NRXN1: variants seen among roughly 807,000 people sequenced by gnomAD.
NRXN1 encodes neurexin 1.
In NRXN1, 39 loss-of-function variants were observed where a neutral mutation model predicts 150.9. The observed-to-expected ratio is 0.26, with a 90% CI of 0.20 to 0.34. NRXN1 has a LOEUF of 0.34. NRXN1 is among the 10% of genes least tolerant of loss of function. The pLI, the probability that NRXN1 is intolerant of heterozygous loss-of-function variation, is 1.00. For missense variants in NRXN1, 1,815 were observed against 1,949.9 expected (o/e 0.93, Z 1.30); for synonymous variants, 924 against 757.0 (o/e 1.22, Z -3.62).
At chr2:51,017,480 A>G (rs1179013148) in intron 2 of NRXN1, among the ~76,000 whole-genome samples, 2 of 127,432 alleles carry the variant, frequency 1.6e-5, no homozygotes, top group South Asian at 5.2e-4. Context: ...GGACTACAAT[A>G]CACGTATGGC....
intron 17 of NRXN1, among the ~76,000 whole-genome samples, chr2:50,415,934 T>C (rs1277433472): frequency 7.0e-6 from 1 of 143,870 alleles, no homozygotes; most frequent in East Asian, 2.0e-4. Flanking sequence ...GGCCAACTGT[T>C]AGTAGTTATT....
chr2:50,598,214 C>G (rs1027320417), intron 8 of NRXN1, among the ~76,000 whole-genome samples: 3 of 151,794 alleles, frequency 2.0e-5, no homozygotes, highest in Non-Finnish European at 4.4e-5. Context: ...TGAATGAGTC[C>G]AAATCAAAAC....
intron 18 of NRXN1, among the ~76,000 whole-genome samples, chr2:50,136,400 G>C (rs945186512): frequency 6.6e-6 from 1 of 152,062 alleles, no homozygotes; most frequent in Non-Finnish European, 1.5e-5. Flanking sequence ...TTTTCTAGGA[G>C]GCCTGGCTTA....
rs553427731 is a variant in NRXN1, at chr2:49,992,870, G to A, written c.4129-49079C>T. Among the ~76,000 whole-genome samples, 40 of 152,194 alleles carry A rather than the reference G, an allele frequency of 2.6e-4. 1 individual carries two copies. In the South Asian group the frequency reaches 3.7e-3, roughly 14 times the overall value. ...AAACAACAGTAAGATATCATTACAC[G>A]CCTATTAGAATGACCAAAATCTGGA... is the stretch of plus-strand genomic sequence containing the variant. On this transcript the variant is annotated intron_variant, in intron 21 of 22. Coordinates refer to ENST00000401669, the MANE Select transcript of NRXN1 (RefSeq NM_001330078.2).
intron 5 of NRXN1, among the ~76,000 whole-genome samples, chr2:50,652,498 C>T (rs949089686): frequency 6.6e-6 from 1 of 152,030 alleles, no homozygotes; most frequent in Non-Finnish European, 1.5e-5. Context: ...GGACTTTTAG[C>T]ATAACGTTTC....
At chr2:50,538,705 T>C in intron 9 of NRXN1, 69 bp from the exon 10 acceptor site, 1 of 1,286,502 alleles carries the variant, frequency 7.8e-7, no homozygotes, top group Non-Finnish European at 1.0e-6. Context: ...TCTTTCTCTC[T>C]TTCGTCTGCT....
At chr2:50,316,405 C>G (rs889872941) in intron 17 of NRXN1, among the ~76,000 whole-genome samples, 2 of 151,992 alleles carry the variant, frequency 1.3e-5, no homozygotes, top group Non-Finnish European at 2.9e-5. Context: ...TAGGGTAGCT[C>G]AAACATCAAA....
intron 18 of NRXN1, among the ~76,000 whole-genome samples, chr2:50,127,109 C>T (rs1207911581): frequency 6.6e-6 from 1 of 152,108 alleles, no homozygotes; most frequent in African/African-American, 2.4e-5. Context: ...CTTTGCTTTG[C>T]AGTTCCCCAG....
intron 18 of NRXN1, among the ~76,000 whole-genome samples, chr2:50,145,320 T>C (rs1707843770): frequency 6.6e-6 from 1 of 151,612 alleles, no homozygotes; most frequent in African/African-American, 2.4e-5. Context: ...ACACAGAAAT[T>C]GTTTTTTTTC....
intron 18 of NRXN1, among the ~76,000 whole-genome samples, chr2:50,150,708 C>A (rs757661871): frequency 6.6e-6 from 1 of 151,632 alleles, no homozygotes. Flanking sequence ...TTATCTTCTG[C>A]GATTTATAAA....
At chr2:50,663,265 C>T (rs1406280381) in intron 5 of NRXN1, among the ~76,000 whole-genome samples, 6 of 152,030 alleles carry the variant, frequency 3.9e-5, no homozygotes, top group Non-Finnish European at 8.8e-5. Context: ...TTGTTCCTTC[C>T]AACTTTGCTG....
At position 50,380,297 on chromosome 2, in the gene NRXN1, CGTGT is replaced by C. The variant is rs368834622; in HGVS notation, c.3364+85141_3364+85144del. 5.5e-5 allele frequency among the ~76,000 whole-genome samples: 8 copies of C among 144,268 alleles called. No individual in the cohort carries two copies. In the South Asian group the frequency reaches 6.6e-4, roughly 12 times the overall value. 94.6% of individuals were successfully genotyped at this position (144,268 alleles called of 152,430 possible). A position where few individuals can be genotyped will look rare whatever the true frequency, so the allele number is the denominator to read the frequency against. On this transcript the variant is annotated intron_variant, in intron 17 of 22. Coordinates refer to ENST00000401669, the MANE Select transcript of NRXN1 (RefSeq NM_001330078.2). ...ACATATGTGTGTGTGTGTGTGTGTG[CGTGT>C]GTGTGTGTATTTTTTTTCCCAAGAG...
At chr2:50,059,286 C>T (rs1349451673) in intron 19 of NRXN1, among the ~76,000 whole-genome samples, 3 of 152,172 alleles carry the variant, frequency 2.0e-5, no homozygotes, top group Non-Finnish European at 4.4e-5. Flanking sequence ...ATCTGTGGAA[C>T]ATTGAACTTG....
intron 5 of NRXN1, among the ~76,000 whole-genome samples, chr2:50,795,948 G>C (rs540801587): frequency 6.6e-5 from 10 of 152,012 alleles, no homozygotes; most frequent in Non-Finnish European, 1.2e-4. Context: ...CTGCAAAGCA[G>C]TATTTCATCA....
chr2:49,944,491 A>C (rs187373733), intron 21 of NRXN1, among the ~76,000 whole-genome samples: 55 of 152,300 alleles, frequency 3.6e-4, no homozygotes, highest in African/African-American at 1.2e-3. Flanking sequence ...AAGAGGTGGC[A>C]GTTTTCTCTG....
intron 5 of NRXN1, among the ~76,000 whole-genome samples, chr2:50,846,621 C>G (rs1161182225): frequency 6.6e-6 from 1 of 151,960 alleles, no homozygotes; most frequent in African/African-American, 2.4e-5. Flanking sequence ...AAAAACAGTT[C>G]AAAAAAATAT....
At chr2:50,849,635 G>A (rs558317127) in intron 5 of NRXN1, among the ~76,000 whole-genome samples, 70 of 152,108 alleles carry the variant, frequency 4.6e-4, no homozygotes, top group Admixed American at 1.0e-3. Context: ...TCTTGCAATA[G>A]TCTTGATCCC....
At chr2:50,772,767 T>G (rs950786221) in intron 5 of NRXN1, among the ~76,000 whole-genome samples, 1 of 152,006 alleles carries the variant, frequency 6.6e-6, no homozygotes, top group Non-Finnish European at 1.5e-5. Context: ...TAACTTTCCA[T>G]GTAAAAAATT....
intron 18 of NRXN1, among the ~76,000 whole-genome samples, chr2:50,142,737 A>C (rs1707458114): frequency 6.6e-6 from 1 of 151,984 alleles, no homozygotes; most frequent in Admixed American, 6.6e-5. Context: ...TAGTTATATA[A>C]GCATTTAAAA....
Sources: allele counts gnomAD v4.1 joint callset (sites outside exome capture counted in the v4.1 genomes callset), GRCh38; gene constraint gnomAD v4.1.1; transcripts MANE v1.5; gene names NCBI Gene and HGNC (gene_info 2026-07-23, HGNC 2026-07-21).